SETD9: variants seen among roughly 807,000 people sequenced by gnomAD.
SETD9 encodes the protein SET domain containing 9.
Under a neutral mutation model 36.4 loss-of-function variants are expected in SETD9, and 37 were observed. The observed-to-expected ratio is 1.02, with a 90% CI of 0.78 to 1.34. The LOEUF (loss-of-function observed/expected upper bound fraction) is 1.34, where lower values mean the gene tolerates loss of function less well. Ranked by LOEUF, SETD9 falls within the 40% of genes most tolerant of loss-of-function variation. The probability of loss-of-function intolerance (pLI) is 0.00; values close to 1 mark genes in which losing one functional copy is unlikely to be tolerated. For missense variants in SETD9, 323 were observed against 353.2 expected, an observed-to-expected ratio of 0.91 and a Z score of 0.69; for synonymous variants, 128 against 132.9, an observed-to-expected ratio of 0.96 and a Z score of 0.26.
chr5:56,928,349 T>C (rs1173485803), downstream of SETD9: 1 of 153,054 alleles, frequency 6.5e-6, no homozygotes, highest in East Asian at 1.9e-4. Flanking sequence ...TTGCTTCCCA[T>C]CCTTACCAGC....
chr5:56,926,122 G>A (rs1336510813), downstream of SETD9, among the ~76,000 whole-genome samples: 1 of 152,050 alleles, frequency 6.6e-6, no homozygotes, highest in African/African-American at 2.4e-5. Context: ...AGACCTAAAT[G>A]TAAATGCAAA....
intron 5 of SETD9, among the ~76,000 whole-genome samples, chr5:56,924,880 A>G (rs1749885243): frequency 6.6e-6 from 1 of 152,236 alleles, no homozygotes; most frequent in African/African-American, 2.4e-5. Flanking sequence ...ATATAAGATT[A>G]CTAATATGGG....
At position 56,911,081 on chromosome 5, in the gene SETD9, C is replaced by A. The variant is rs77110788; in HGVS notation, c.99-88C>A. The A allele has an allele frequency of 3.4e-3, 4,856 of 1,432,420 alleles. 11 individuals are homozygous for A. The highest frequency in any genetic ancestry group is 3.9e-3 in the Non-Finnish European group (4,184 of 1,072,574). The allele number at this position is 1,432,420 out of a possible 1,614,324, so 88.7% of individuals were successfully genotyped here. A position where few individuals can be genotyped will look rare whatever the true frequency, so the allele number is the denominator to read the frequency against. On this transcript the variant is annotated intron_variant, in intron 1 of 5. Transcript: ENST00000285947. ...CACACATGAGAATAAGCTTATAGTT[C>A]CTTAAGGCCAGGAACCCAGAAGTTA...
chr5:56,909,998 G>A (rs1338613403), intron 1 of SETD9: 4 of 1,324,782 alleles, frequency 3.0e-6, no homozygotes, highest in Non-Finnish European at 3.9e-6. Flanking sequence ...TGAAGTGGGC[G>A]GTGGCTTCAG....
chr5:56,909,505 G>A, upstream of SETD9: 2 of 580,482 alleles, frequency 3.4e-6, no homozygotes, highest in South Asian at 4.7e-5. Context: ...AGCAACAGAA[G>A]TCAGGCGGTG....
At chr5:56,913,389 T>C (rs1749255548) in intron 3 of SETD9, among the ~76,000 whole-genome samples, 1 of 147,420 alleles carries the variant, frequency 6.8e-6, no homozygotes, top group Non-Finnish European at 1.5e-5. Flanking sequence ...TTTTTTTACT[T>C]TTTTTTTTTT....
intron 5 of SETD9, chr5:56,923,148 C>T (rs559901169): frequency 4.0e-5 from 64 of 1,613,738 alleles, no homozygotes; most frequent in Non-Finnish European, 4.5e-5. Flanking sequence ...TGTAGGGCCG[C>T]GTGCTGATGC....
intron 5 of SETD9, chr5:56,923,465 T>C: frequency 6.2e-7 from 1 of 1,614,186 alleles, no homozygotes; most frequent in South Asian, 1.1e-5. Context: ...GAGTAACTCT[T>C]CTGTTACAAC....
intron 5 of SETD9, chr5:56,924,102 T>C: frequency 6.4e-7 from 1 of 1,560,834 alleles, no homozygotes; most frequent in Non-Finnish European, 8.7e-7. Flanking sequence ...TTAAGCAACT[T>C]TTCTTTTCCA....
downstream of SETD9, among the ~76,000 whole-genome samples, chr5:56,918,107 C>T (rs1289726556): frequency 6.6e-6 from 1 of 150,822 alleles, no homozygotes; most frequent in Non-Finnish European, 1.5e-5. Context: ...GCTCAAAACC[C>T]TCTCCCTATC....
At chr5:56,924,365 T>A (rs1749853287) in intron 5 of SETD9, among the ~76,000 whole-genome samples, 1 of 152,224 alleles carries the variant, frequency 6.6e-6, no homozygotes, top group South Asian at 2.1e-4. Flanking sequence ...TACTTTTCTT[T>A]ACTGAGCTCT....
Position 56,913,030 on chromosome 5 carries a change from T to C in SETD9, c.486T>C (p.Tyr162=). 1 of 1,614,022 alleles carries C rather than the reference T, an allele frequency of 6.2e-7. No homozygotes were observed. Among genetic ancestry groups the C allele is most frequent in the South Asian group, 1.1e-5 (1 of 91,074 alleles). The change falls in exon 3 of 6, where the codon TAT becomes TAC. Residue 162 remains tyrosine, a synonymous_variant. Transcript: ENST00000285947. ...SMYPGTVYQK[Y]EPIFFQSIGN... ...TAATAGGTACAGTATATCAGAAGTA[T>C]GAGCCGATCTTTTTCCAGTCCATTG...
chr5:56,914,075 T>C (rs1749301463), intron 4 of SETD9, 86 bp downstream of exon 4: 1 of 939,286 alleles, frequency 1.1e-6, no homozygotes, highest in Admixed American at 2.0e-5. Flanking sequence ...CCAAGGGCAG[T>C]TGAGTATAAC....
intron 3 of SETD9, 102 bp from the exon 4 acceptor site, chr5:56,913,772 T>TA (rs1749279237): frequency 1.5e-6 from 1 of 673,462 alleles, no homozygotes; most frequent in East Asian, 2.7e-5. Context: ...TCTTTTTTTT[T>TA]TTTTTTTAAG....
At chr5:56,923,938 T>C (rs1482727004) in intron 5 of SETD9, 1 of 1,614,134 alleles carries the variant, frequency 6.2e-7, no homozygotes, top group South Asian at 1.1e-5. Context: ...GATGGTTATA[T>C]CTTTTTTTCC....
intron 5 of SETD9, among the ~76,000 whole-genome samples, chr5:56,925,105 C>G (rs552226324): frequency 6.6e-6 from 1 of 152,054 alleles, no homozygotes; most frequent in Admixed American, 6.6e-5. Context: ...TAAGTCATTA[C>G]AAAACTGATG....
chr5:56,927,946 T>C (rs557298716), downstream of SETD9: 2 of 152,274 alleles, frequency 1.3e-5, no homozygotes, highest in East Asian at 3.9e-4. Flanking sequence ...TTTCAGAATA[T>C]CATATATTTG....
chr5:56,916,836 T>C lies in SETD9; in HGVS notation c.834T>C (p.Leu278=), dbSNP rs374889494. The change falls in exon 6 of 6, where the codon CTT becomes CTC. Residue 278 remains leucine, a synonymous_variant. Coordinates refer to ENST00000285947, the MANE Select transcript of SETD9 (RefSeq NM_153706.4). ...DKQSPLRCVV[L]VALRDINQGE... ...TCAGCCCACTTCGATGTGTTGTTCTTGTCGCACTTAGGGACATCAATCAAG... is the reference window on the plus strand; with the variant it reads ...TCAGCCCACTTCGATGTGTTGTTCTCGTCGCACTTAGGGACATCAATCAAG... 2 of 1,608,104 alleles carry C rather than the reference T, an allele frequency of 1.2e-6. No individual in the cohort carries two copies. The highest frequency in any genetic ancestry group is 1.3e-5 in the African/African-American group (1 of 74,776).
At chr5:56,910,415 T>A (rs940867221) in intron 1 of SETD9, 7 of 1,302,900 alleles carry the variant, frequency 5.4e-6, no homozygotes, top group Non-Finnish European at 6.1e-6. Context: ...CCGGCGTTAT[T>A]AAGGGCGCAC....
Sources: allele counts gnomAD v4.1 joint callset (sites outside exome capture counted in the v4.1 genomes callset), GRCh38; gene constraint gnomAD v4.1.1; transcripts MANE v1.5; gene names NCBI Gene and HGNC (gene_info 2026-07-23, HGNC 2026-07-21).